The following TRIL variants were observed in gnomAD, a reference collection of about 807,000 sequenced individuals.
TRIL encodes the protein TLR4 interactor with leucine rich repeats.
TRIL carries 23 observed loss-of-function variants against 43.0 expected under a neutral mutation model. The ratio of observed to expected loss-of-function variants is 0.54; its 90% CI spans 0.39 to 0.76. The LOEUF (loss-of-function observed/expected upper bound fraction) is 0.76, where lower values mean the gene tolerates loss of function less well. TRIL is among the 30% of genes least tolerant of loss of function. The pLI, the probability that TRIL is intolerant of heterozygous loss-of-function variation, is 0.00. For synonymous variants in TRIL, 602 were observed against 556.8 expected (o/e 1.08, Z -1.14); for missense variants, 1,114 against 1,139.3 (o/e 0.98, Z 0.32).
chr7:28,956,163 G>A lies in TRIL; in HGVS notation c.1884C>T (p.Gly628=), dbSNP rs1258542770. Residue 628 remains glycine, a synonymous_variant, in exon 1 of 1, where the codon GGC becomes GGT. Coordinates refer to ENST00000539664, the MANE Select transcript of TRIL (RefSeq NM_014817.4). The part of the protein sequence containing the change: ...ARFRLLFDRF[G]QQPKFHRFVY... ...CGAAGCGGTGGAACTTGGGCTGCTG[G>A]CCAAAGCGGTCAAAGAGCAGGCGGA... 2 of 1,574,690 alleles carry A rather than the reference G, an allele frequency of 1.3e-6. No individual in the cohort carries two copies. The highest frequency in any genetic ancestry group is 1.7e-6 in the Non-Finnish European group (2 of 1,161,738).
rs754864104 is a variant in TRIL, at chr7:28,955,881, C to T, written c.2166G>A (p.Leu722=). The change falls in exon 1 of 1, where the codon CTG becomes CTA. Residue 722 remains leucine (L), a synonymous_variant. Coordinates refer to ENST00000539664, the MANE Select transcript of TRIL (RefSeq NM_014817.4). Reference sequence around the variant, plus strand: ...TCCGCCTAGCCCGCAGTTTCCTACGCAGCCAGCGAGACGCCCAGGCCGCCA... The same window carrying T: ...TCCGCCTAGCCCGCAGTTTCCTACGTAGCCAGCGAGACGCCCAGGCCGCCA... ...LALAAWASRW[L]RRKLRARRKG... 1.1e-4 allele frequency: 169 copies of T among 1,550,214 alleles called. No homozygotes were observed. Among genetic ancestry groups the T allele is most frequent in the Non-Finnish European group, 1.4e-4 (162 of 1,147,450 alleles).
At position 28,955,809 on chromosome 7, in the gene TRIL, C is replaced by T; in HGVS notation, c.2238G>A (p.Arg746=). 1 of 1,549,964 alleles carries T rather than the reference C, an allele frequency of 6.5e-7. No homozygotes were observed. Among genetic ancestry groups the T allele is most frequent in the Non-Finnish European group, 8.7e-7 (1 of 1,146,766 alleles). Residue 746 remains arginine, a synonymous_variant, in exon 1 of 1, where the codon CGG becomes CGA. Transcript: ENST00000539664. The part of the protein sequence containing the change: ...VHVRHMYSTR[R]PLRSMGTGVS... ...CGCCGGTGCCCATGGAGCGCAGGGG[C>T]CGTCGGGTGGAGTACATGTGCCGAA...
In TRIL at chr7:28,955,976, C is replaced by T. The variant is rs1174489651; in HGVS notation, c.2071G>A (p.Gly691Ser). The T allele has an allele frequency of 1.3e-6, 2 of 1,551,162 alleles. No homozygotes were observed. The highest frequency in any genetic ancestry group is 1.7e-6 in the Non-Finnish European group (2 of 1,152,852). Reference sequence around the variant, plus strand: ...GTCAGCAGCTGGTAGTCGACGCCGCCCCGGCTCCCGGCCTCCGGTAGGGTG... The same window carrying T: ...GTCAGCAGCTGGTAGTCGACGCCGCTCCGGCTCCCGGCCTCCGGTAGGGTG... ...LVTLPEAGSR[G>S]GVDYQLLTLA... Residue 691 changes from glycine to serine, a missense_variant, in exon 1 of 1, where the codon GGC (glycine) becomes AGC (serine). Physicochemically the swap from Gly to Ser is moderately conservative, Grantham distance 56. Transcript: ENST00000539664.
chr7:28,958,054 C>T lies in TRIL; in HGVS notation c.-8G>A. The T allele has an allele frequency of 6.7e-7, 1 of 1,495,698 alleles. No homozygotes were observed. The highest frequency in any genetic ancestry group is 2.3e-4 in the Middle Eastern group (1 of 4,290). The allele number at this position is 1,495,698 out of a possible 1,614,324, so 92.7% of individuals were successfully genotyped here. A position where few individuals can be genotyped will look rare whatever the true frequency, so the allele number is the denominator to read the frequency against. On this transcript the variant is annotated 5_prime_UTR_variant, in exon 1 of 1. Transcript: ENST00000539664. ...GGCGCGGGCAGCCTCCATCGCCTCC[C>T]GCCCTGCGTGCAGCGGCCGGATCGT...
In TRIL at chr7:28,957,049, C is replaced by T. The variant is rs745881297; in HGVS notation, c.998G>A (p.Arg333His). ...HLGRLRELSL[R>H]NNALSALSGD... ...GGATAGGGCGCTGAGCGCGTTGTTG[C>T]GCAGGCTGAGCTCGCGCAGCCGGCC... Residue 333 changes from arginine to histidine, a missense_variant, in exon 1 of 1, where the codon CGC becomes CAC. Coordinates refer to ENST00000539664, the MANE Select transcript of TRIL (RefSeq NM_014817.4). The T allele has an allele frequency of 3.6e-5, 57 of 1,578,614 alleles. No homozygotes were observed. Among genetic ancestry groups the T allele is most frequent in the Admixed American group, 2.0e-4 (11 of 55,860 alleles).
rs1449119798 is a variant in TRIL, at chr7:28,954,142, A to T, written c.*1469T>A. 2 of 152,552 alleles carry T rather than the reference A, an allele frequency of 1.3e-5. No homozygotes were observed. The highest frequency in any genetic ancestry group is 4.8e-5 in the African/African-American group (2 of 41,462). The allele number at this position is 152,552 out of a possible 1,614,324, so 9.4% of individuals were successfully genotyped here. ...TAGTGACTGCATTTTTAGACCACACATAAAATTATTAATGTAAACCAAACC... is the reference window on the plus strand; with the variant it reads ...TAGTGACTGCATTTTTAGACCACACTTAAAATTATTAATGTAAACCAAACC... On this transcript the variant is annotated 3_prime_UTR_variant, in exon 1 of 1. Transcript: ENST00000539664.
Position 28,956,137 on chromosome 7 carries a change from A to G in TRIL, c.1910T>C (p.Val637Ala). 6.4e-7 allele frequency: 1 copy of G among 1,568,160 alleles called. No individual in the cohort carries two copies. Among genetic ancestry groups the G allele is most frequent in the Non-Finnish European group, 8.6e-7 (1 of 1,158,482 alleles). Reference sequence around the variant, plus strand: ...CGAGTCGCTGCTCTCAGGCAGGTAGACGAAGCGGTGGAACTTGGGCTGCTG... The same window carrying G: ...CGAGTCGCTGCTCTCAGGCAGGTAGGCGAAGCGGTGGAACTTGGGCTGCTG... ...FGQQPKFHRF[V>A]YLPESSDSAT... Residue 637 changes from valine to alanine, a missense_variant, in exon 1 of 1, where the codon GTC (valine) becomes GCC (alanine). By Grantham distance (64) the Val-to-Ala change is moderately conservative (BLOSUM62 0). Coordinates refer to ENST00000539664, the MANE Select transcript of TRIL (RefSeq NM_014817.4).
rs1002025809 is a variant in TRIL at position 28,955,076 on chromosome 7, T to G, written c.*535A>C. ...ATCCTGAATGCTCTATCAGCCAACA[T>G]AAACGAGTTCCTTGGCGGGTATGTT... On this transcript the variant is annotated 3_prime_UTR_variant, in exon 1 of 1. Transcript: ENST00000539664. The G allele has an allele frequency of 3.3e-5, 5 of 153,440 alleles. No homozygotes were observed. The highest frequency in any genetic ancestry group is 9.6e-5 in the African/African-American group (4 of 41,504). 9.5% of individuals were successfully genotyped at this position (153,440 alleles called of 1,614,324 possible).
In TRIL at chr7:28,955,321, A is replaced by G. The variant is rs1299627763; in HGVS notation, c.*290T>C. On this transcript the variant is annotated 3_prime_UTR_variant, in exon 1 of 1. Transcript: ENST00000539664. The stretch of plus-strand genomic sequence containing the variant: ...TCTACCCCCAAAGCCTGGCTTCTGC[A>G]TTGCAGTGCTACAAAAGCCATTCGC... The G allele has an allele frequency of 9.5e-6, 4 of 423,150 alleles. No individual in the cohort carries two copies. The highest frequency in any genetic ancestry group is 1.6e-5 in the Non-Finnish European group (4 of 242,640). The allele number at this position is 423,150 out of a possible 1,614,324, so 26.2% of individuals were successfully genotyped here.
In TRIL at chr7:28,957,113, C is replaced by G; in HGVS notation, c.934G>C (p.Glu312Gln). Residue 312 changes from glutamate (E) to glutamine (Q), a missense_variant, in exon 1 of 1, where the codon GAG (glutamate) becomes CAG (glutamine). Glu to Gln is a conservative substitution (Grantham distance 29, BLOSUM62 2). Transcript: ENST00000539664. The part of the protein sequence containing the change: ...SLEALDLSGN[E>Q]LSALHPATFG... ...GTGGCCGGGTGCAGGGCGGACAGCT[C>G]ATTGCCGCTCAGGTCCAGCGCCTCC... 6.3e-7 allele frequency: 1 copy of G among 1,575,008 alleles called. No individual in the cohort carries two copies. The highest frequency in any genetic ancestry group is 1.2e-5 in the South Asian group (1 of 86,668).
In TRIL at chr7:28,957,339, G is replaced by T. The variant is rs1350331100; in HGVS notation, c.708C>A (p.Leu236=). Residue 236 remains leucine, a synonymous_variant, in exon 1 of 1, where the codon CTC becomes CTA. Transcript: ENST00000539664. ...APLRSLSSLI[L]SANNLQHLGP... ...CGAGGTGCTGCAGGTTGTTGGCCGAGAGGATGAGGGAGGAGAGGGAGCGCA... is the reference window on the plus strand; with the variant it reads ...CGAGGTGCTGCAGGTTGTTGGCCGATAGGATGAGGGAGGAGAGGGAGCGCA... 1 of 1,612,326 alleles carries T rather than the reference G, an allele frequency of 6.2e-7. No individual in the cohort carries two copies. Among genetic ancestry groups the T allele is most frequent in the Non-Finnish European group, 8.5e-7 (1 of 1,179,506 alleles).
In TRIL at chr7:28,954,758, T is replaced by C. The variant is rs1783370965; in HGVS notation, c.*853A>G. On this transcript the variant is annotated 3_prime_UTR_variant, in exon 1 of 1. Coordinates refer to ENST00000539664, the MANE Select transcript of TRIL (RefSeq NM_014817.4). ...ATATACATCACATTCTTTTATCAAA[T>C]CTGGCATTGAAATTTCCTTTTCCAT... The C allele has an allele frequency of 6.6e-6, 1 of 152,218 alleles. No homozygotes were observed. Among genetic ancestry groups the C allele is most frequent in the Non-Finnish European group, 1.5e-5 (1 of 68,044 alleles). The allele number at this position is 152,218 out of a possible 1,614,324, so 9.4% of individuals were successfully genotyped here.
rs572305295 is a variant in TRIL, at chr7:28,957,454, G to T, written c.593C>A (p.Ala198Asp). The change falls in exon 1 of 1, where the codon GCC becomes GAC. Residue 198 changes from alanine to aspartate, a missense_variant. Physicochemically the swap from Ala to Asp is moderately radical, Grantham distance 126. Transcript: ENST00000539664. ...SNRIRFLGKN[A>D]FAQLGKLRFL... ...GCGCAGCTTGCCTAGCTGGGCGAAG[G>T]CGTTCTTGCCCAGAAAGCGGATCCG... is the stretch of plus-strand genomic sequence containing the variant. 1.2e-6 allele frequency: 2 copies of T among 1,613,262 alleles called. No individual in the cohort carries two copies. Among genetic ancestry groups the T allele is most frequent in the Non-Finnish European group, 1.7e-6 (2 of 1,179,880 alleles).
rs994450001 is a variant in TRIL at position 28,956,247 on chromosome 7, G to A, written c.1800C>T (p.Ala600=). ...GCTCGCGCACGGCCCAGCGCACCGAGGCGCTGTCTGCGCCCACCGCCTCCA... is the reference window on the plus strand; with the variant it reads ...GCTCGCGCACGGCCCAGCGCACCGAAGCGCTGTCTGCGCCCACCGCCTCCA... ...LTVEAVGADS[A]SVRWAVREHR... The change falls in exon 1 of 1, where the codon GCC becomes GCT. Residue 600 remains alanine, a synonymous_variant. Coordinates refer to ENST00000539664, the MANE Select transcript of TRIL (RefSeq NM_014817.4). 6.5e-7 allele frequency: 1 copy of A among 1,548,502 alleles called. No homozygotes were observed.
rs772017868 is a variant in TRIL at position 28,957,822 on chromosome 7, C to G, written c.225G>C (p.Thr75=). ...SLGGNFITNI[T]AFDFHRLGQL... ...GCCCCAGACGGTGGAAGTCGAAGGC[C>G]GTGATGTTGGTTATGAAGTTGCCGC... Residue 75 remains threonine, a synonymous_variant, in exon 1 of 1, where the codon ACG becomes ACC. Transcript: ENST00000539664. 6.2e-7 allele frequency: 1 copy of G among 1,613,814 alleles called. No homozygotes were observed. The highest frequency in any genetic ancestry group is 8.5e-7 in the Non-Finnish European group (1 of 1,179,754).
Position 28,958,320 on chromosome 7 carries a change from C to G in TRIL, c.-274G>C. The G allele has an allele frequency of 2.4e-6, 1 of 417,492 alleles. No homozygotes were observed. The highest frequency in any genetic ancestry group is 8.8e-5 in the South Asian group (1 of 11,402). 25.9% of individuals were successfully genotyped at this position (417,492 alleles called of 1,614,324 possible). A position where few individuals can be genotyped will look rare whatever the true frequency, so the allele number is the denominator to read the frequency against. On this transcript the variant is annotated 5_prime_UTR_variant, in exon 1 of 1. Coordinates refer to ENST00000539664, the MANE Select transcript of TRIL (RefSeq NM_014817.4). Reference sequence around the variant, plus strand: ...TAAAACTGTTTCTCCGGGTGCGCGTCGGCGGGCGGGAGGAGGGAGCAAGAC... The same window carrying G: ...TAAAACTGTTTCTCCGGGTGCGCGTGGGCGGGCGGGAGGAGGGAGCAAGAC...
chr7:28,956,765 TGCGGTCA>T lies in TRIL; in HGVS notation c.1275_1281del (p.Asp426GlyfsTer13), dbSNP rs761931619. 2 of 1,608,680 alleles carry T rather than the reference TGCGGTCA, an allele frequency of 1.2e-6. No homozygotes were observed. Among genetic ancestry groups the T allele is most frequent in the East Asian group, 2.2e-5 (1 of 44,818 alleles). On this transcript the variant is annotated frameshift_variant, in exon 1 of 1. Coordinates refer to ENST00000539664, the MANE Select transcript of TRIL (RefSeq NM_014817.4). LOFTEE classifies it high-confidence loss of function. ...GCGGCCGTGGGTAGGGGCTGCCGCC[TGCGGTCA>T]GCGGTCAGGGAAGCTGAGGGCGAGG...
Position 28,958,062 on chromosome 7 carries a change from G to T in TRIL, c.-16C>A. On this transcript the variant is annotated 5_prime_UTR_variant, in exon 1 of 1. Transcript: ENST00000539664. ...CAGCCTCCATCGCCTCCCGCCCTGCGTGCAGCGGCCGGATCGTCCTCTTGG... is the reference window on the plus strand; with the variant it reads ...CAGCCTCCATCGCCTCCCGCCCTGCTTGCAGCGGCCGGATCGTCCTCTTGG... 6.7e-7 allele frequency: 1 copy of T among 1,485,268 alleles called. No homozygotes were observed. Among genetic ancestry groups the T allele is most frequent in the South Asian group, 1.4e-5 (1 of 72,178 alleles). The allele number at this position is 1,485,268 out of a possible 1,614,324, so 92.0% of individuals were successfully genotyped here. A position where few individuals can be genotyped will look rare whatever the true frequency, so the allele number is the denominator to read the frequency against.
chr7:28,955,598 A>C lies in TRIL; in HGVS notation c.*13T>G. The C allele has an allele frequency of 1.3e-6, 2 of 1,522,950 alleles. No homozygotes were observed. The highest frequency in any genetic ancestry group is 1.2e-5 in the South Asian group (1 of 80,704). The allele number at this position is 1,522,950 out of a possible 1,614,324, so 94.3% of individuals were successfully genotyped here. ...CCTTAGGGCCAATGAGATGGTCTCTATATGCCCTGGACCTAGTCGGCAAAT... is the reference window on the plus strand; with the variant it reads ...CCTTAGGGCCAATGAGATGGTCTCTCTATGCCCTGGACCTAGTCGGCAAAT... On this transcript the variant is annotated 3_prime_UTR_variant, in exon 1 of 1. Transcript: ENST00000539664.
Sources: allele counts gnomAD v4.1 joint callset, GRCh38; gene constraint gnomAD v4.1.1; transcripts MANE v1.5; gene names NCBI Gene and HGNC (gene_info 2026-07-23, HGNC 2026-07-21).